The following PCTP variants were observed in gnomAD, a reference collection of about 807,000 sequenced individuals.
The protein encoded by PCTP is START domain-containing protein 2.
PCTP carries 27 observed loss-of-function variants against 31.0 expected under a neutral mutation model. The observed-to-expected ratio is 0.87, with a 90% CI of 0.64 to 1.20. PCTP has a LOEUF of 1.20. Ranked by LOEUF, PCTP falls within the 50% of genes most tolerant of loss-of-function variation. PCTP has a pLI of 0.00. For missense variants in PCTP, 287 were observed against 268.2 expected, an observed-to-expected ratio of 1.07 and a Z score of -0.49; for synonymous variants, 108 against 101.2, an observed-to-expected ratio of 1.07 and a Z score of -0.40.
At chr17:55,849,498 C>T in the PCTP span, among the ~76,000 whole-genome samples, 21 of 152,236 alleles carry the variant, frequency 1.4e-4, no homozygotes, top group African/African-American at 5.1e-4. Context: ...TGGCGGGCAC[C>T]TGTAATCCCA....
At chr17:55,850,334 C>A in the PCTP span, among the ~76,000 whole-genome samples, 1 of 152,054 alleles carries the variant, frequency 6.6e-6, no homozygotes, top group Non-Finnish European at 1.5e-5. Context: ...AAAGATTATA[C>A]AAATACCTAA....
At chr17:55,772,866 C>T (rs1020911242) in intron 3 of PCTP, among the ~76,000 whole-genome samples, 9 of 152,114 alleles carry the variant, frequency 5.9e-5, no homozygotes, top group Non-Finnish European at 1.3e-4. Flanking sequence ...GGTTCTTTTC[C>T]TCTCTGAGCC....
At chr17:55,765,885 G>T (rs1306930631) in intron 1 of PCTP, among the ~76,000 whole-genome samples, 2 of 152,032 alleles carry the variant, frequency 1.3e-5, no homozygotes, top group African/African-American at 4.8e-5. Flanking sequence ...CTTTAAAGAT[G>T]CCAGCCCACC....
the PCTP span, among the ~76,000 whole-genome samples, chr17:55,848,136 G>T: frequency 6.6e-6 from 1 of 152,188 alleles, no homozygotes; most frequent in South Asian, 2.1e-4. Context: ...TGTTGGCCAG[G>T]CTGCTCCTGA....
intron 5 of PCTP, among the ~76,000 whole-genome samples, chr17:55,838,602 G>A (rs549359579): frequency 1.3e-5 from 2 of 152,122 alleles, no homozygotes; most frequent in South Asian, 2.1e-4. Context: ...CATCATTATA[G>A]CCCAGAATCT....
At position 55,773,857 on chromosome 17, in the gene PCTP, G is replaced by T. The variant is rs369008734; in HGVS notation, c.473G>T (p.Ser158Ile). The T allele has an allele frequency of 1.9e-6, 3 of 1,612,278 alleles. No homozygotes were observed. Among genetic ancestry groups the T allele is most frequent in the East Asian group, 4.5e-5 (2 of 44,770 alleles). ...ATCCGGGTGAAGCAATACAAGCAGA[G>T]CCTGGCGATCGAGAGTGACGGCAAG... ...GVIRVKQYKQ[S>I]LAIESDGKKG... Residue 158 changes from serine (S) to isoleucine (I), a missense_variant, in exon 4 of 6, where the codon AGC (serine) becomes ATC (isoleucine). Ser to Ile is a moderately radical substitution (Grantham distance 142, BLOSUM62 -2). Coordinates refer to ENST00000268896, the MANE Select transcript of PCTP (RefSeq NM_021213.4).
intron 3 of PCTP, among the ~76,000 whole-genome samples, chr17:55,819,901 T>C (rs1394128928): frequency 3.9e-5 from 6 of 152,154 alleles, no homozygotes. Flanking sequence ...TGAAGGAGTA[T>C]CAAGAAAATT....
At position 55,767,768 on chromosome 17, in the gene PCTP, T is replaced by TTGC. The variant is rs201662104; in HGVS notation, c.259+317_259+318insGCT. Among the ~76,000 whole-genome samples the TTGC allele has an allele frequency of 3.3e-3, 495 of 147,960 alleles. 11 individuals carry two copies. Among genetic ancestry groups the TTGC allele is most frequent in the Admixed American group, 0.03 (438 of 14,798 alleles). On this transcript the variant is annotated intron_variant, in intron 2 of 5. Coordinates refer to ENST00000268896, the MANE Select transcript of PCTP (RefSeq NM_021213.4). ...GCATGAGCCGCTGCACCCAGTGCTT[T>TTGC]TTTTTTTTTTTTTTTTTGATCATTA...
intron 3 of PCTP, among the ~76,000 whole-genome samples, chr17:55,810,845 A>C (rs1163497184): frequency 6.6e-6 from 1 of 152,232 alleles, no homozygotes; most frequent in Non-Finnish European, 1.5e-5. Context: ...GGGCAGTGAG[A>C]GTTAGTGGCT....
intron 3 of PCTP, among the ~76,000 whole-genome samples, chr17:55,773,141 C>T (rs575759208): frequency 9.9e-5 from 15 of 152,194 alleles, no homozygotes; most frequent in South Asian, 2.1e-4. Context: ...CATCTGCCTA[C>T]GAAATATTCA....
chr17:55,791,699 C>T (rs2145006386), intron 3 of PCTP, among the ~76,000 whole-genome samples: 1 of 152,256 alleles, frequency 6.6e-6, no homozygotes, highest in South Asian at 2.1e-4. Context: ...CACTTTTACA[C>T]TGTTGGTGGG....
chr17:55,830,146 C>T (rs1358547977), intron 5 of PCTP, among the ~76,000 whole-genome samples: 1 of 152,096 alleles, frequency 6.6e-6, no homozygotes, highest in East Asian at 1.9e-4. Flanking sequence ...GGTTCCATCC[C>T]CAGAGATCGC....
At chr17:55,790,686 A>T (rs1320731245) in intron 3 of PCTP, among the ~76,000 whole-genome samples, 2 of 151,572 alleles carry the variant, frequency 1.3e-5, no homozygotes, top group South Asian at 2.1e-4. Context: ...CATTCCATGC[A>T]CATGGGTAGG....
At chr17:55,786,508 A>G (rs1911752890) in intron 2 of PCTP, among the ~76,000 whole-genome samples, 1 of 152,180 alleles carries the variant, frequency 6.6e-6, no homozygotes, top group Admixed American at 6.5e-5. Context: ...ATTAAAAAAA[A>G]AGAAAAGTTC....
At chr17:55,773,666 T>C (rs551321375) in intron 3 of PCTP, 58 bp from the exon 4 acceptor site, 2 of 1,526,492 alleles carry the variant, frequency 1.3e-6, no homozygotes, top group East Asian at 4.6e-5. Flanking sequence ...CTTGTGGCGC[T>C]TTCCTTCTGT....
At chr17:55,816,084 A>G (rs1299643789) in intron 3 of PCTP, among the ~76,000 whole-genome samples, 1 of 152,156 alleles carries the variant, frequency 6.6e-6, no homozygotes, top group Admixed American at 6.5e-5. Flanking sequence ...TAATTTTTTA[A>G]CAGCTTTATT....
the PCTP span, among the ~76,000 whole-genome samples, chr17:55,848,679 A>G: frequency 6.6e-6 from 1 of 152,240 alleles, no homozygotes; most frequent in East Asian, 1.9e-4. Flanking sequence ...GCCTTAACCC[A>G]TTCAATCCAA....
chr17:55,756,335 G>A (rs1210997188), intron 1 of PCTP, among the ~76,000 whole-genome samples: 3 of 152,190 alleles, frequency 2.0e-5, no homozygotes, highest in Admixed American at 2.0e-4. Context: ...AAAATAAAGC[G>A]AGATAAAAGG....
chr17:55,806,055 T>A (rs1281259791), intron 3 of PCTP, among the ~76,000 whole-genome samples: 1 of 152,136 alleles, frequency 6.6e-6, no homozygotes, highest in East Asian at 1.9e-4. Context: ...CTTAGAAAGA[T>A]AAATAACTTG....
Sources: allele counts gnomAD v4.1 joint callset (sites outside exome capture counted in the v4.1 genomes callset), GRCh38; gene constraint gnomAD v4.1.1; transcripts MANE v1.5; gene names NCBI Gene and HGNC (gene_info 2026-07-23, HGNC 2026-07-21).